Variants in SVOP observed in about 807,000 individuals in gnomAD.
SVOP encodes the protein synaptic vesicle 2-related protein.
SVOP carries 17 observed loss-of-function variants against 69.1 expected under a neutral mutation model. That is an observed-to-expected ratio of 0.25 (90% CI 0.17 to 0.37). The LOEUF (loss-of-function observed/expected upper bound fraction) is 0.37, where lower values mean the gene tolerates loss of function less well. SVOP is among the 10% of genes least tolerant of loss of function. SVOP has a pLI of 1.00. For synonymous variants in SVOP, 238 were observed against 238.6 expected (o/e 1.00, Z 0.02); for missense variants, 435 against 597.5 (o/e 0.73, Z 2.84).
intron 1 of SVOP, among the ~76,000 whole-genome samples, chr12:108,996,552 C>T (rs1227312036): frequency 6.6e-6 from 1 of 151,352 alleles, no homozygotes; most frequent in African/African-American, 2.4e-5. Flanking sequence ...AAGACTCCAT[C>T]GAAAAACAAA....
rs150197836 is a variant in SVOP, at chr12:108,918,730, A to C, written c.1269-606T>G. ...GAGAAATGTTAAAACGGGATTACAAAACGATCTATTTGAAATATTTCCATT... is the reference window on the plus strand; with the variant it reads ...GAGAAATGTTAAAACGGGATTACAACACGATCTATTTGAAATATTTCCATT... On this transcript the variant is annotated intron_variant, in intron 13 of 15. Coordinates refer to ENST00000610966, the MANE Select transcript of SVOP (RefSeq NM_018711.5). Among the ~76,000 whole-genome samples the C allele has an allele frequency of 6.3e-3, 965 of 152,298 alleles. 13 individuals are homozygous for C. Among genetic ancestry groups the C allele is most frequent in the African/African-American group, 0.022 (918 of 41,540 alleles).
intron 1 of SVOP, among the ~76,000 whole-genome samples, chr12:109,009,691 A>G (rs552583097): frequency 6.6e-6 from 1 of 152,256 alleles, no homozygotes; most frequent in Non-Finnish European, 1.5e-5. Flanking sequence ...CTGGGCTTAC[A>G]GGTGTGAGCC....
Position 108,931,079 on chromosome 12 carries a change from G to A in SVOP, c.1048+3116C>T, listed in dbSNP as rs111309537. 2.3e-3 allele frequency among the ~76,000 whole-genome samples: 354 copies of A among 152,176 alleles called. 2 individuals are homozygous for A. The highest frequency in any genetic ancestry group is 8.1e-3 in the African/African-American group (336 of 41,500). ...TAGCTTAAGCATTCTACTCTTAGGA[G>A]AGGCAATCTGTGCTCAGTCAATACC... On this transcript the variant is annotated intron_variant, in intron 11 of 15. Coordinates refer to ENST00000610966, the MANE Select transcript of SVOP (RefSeq NM_018711.5).
chr12:108,939,316 G>A (rs762712620), intron 8 of SVOP, among the ~76,000 whole-genome samples: 1 of 152,272 alleles, frequency 6.6e-6, no homozygotes, highest in Middle Eastern at 3.4e-3. Flanking sequence ...ATTTGGGGCT[G>A]TTTTCAGAGT....
At chr12:109,005,793 G>A (rs917426471) in intron 1 of SVOP, among the ~76,000 whole-genome samples, 1 of 152,158 alleles carries the variant, frequency 6.6e-6, no homozygotes, top group African/African-American at 2.4e-5. Context: ...ACAAATAGGG[G>A]AGGAGTAGAG....
In SVOP at chr12:108,928,817, G is replaced by A. The variant is rs573624888; in HGVS notation, c.1048+5378C>T. ...TCCTGAGTTCAAGCAATCTGCCCGC[G>A]TCAGCCTCTCAGAGTGCTGGGATTA... On this transcript the variant is annotated intron_variant, in intron 11 of 15. Transcript: ENST00000610966. 3.3e-4 allele frequency among the ~76,000 whole-genome samples: 50 copies of A among 151,928 alleles called. 1 individual carries two copies. Among genetic ancestry groups the A allele is most frequent in the African/African-American group, 1.2e-3 (49 of 41,440 alleles).
At chr12:108,927,951 G>A (rs1187258980) in intron 11 of SVOP, among the ~76,000 whole-genome samples, 1 of 150,254 alleles carries the variant, frequency 6.7e-6, no homozygotes, top group Non-Finnish European at 1.5e-5. Flanking sequence ...CATCGCCCAG[G>A]TTGGAAAGCA....
chr12:108,947,930 C>T (rs2039934220), intron 6 of SVOP, among the ~76,000 whole-genome samples: 1 of 152,094 alleles, frequency 6.6e-6, no homozygotes, highest in African/African-American at 2.4e-5. Flanking sequence ...CTCCTAGGAT[C>T]CCTTTACTAG....
chr12:108,940,066 A>T (rs2039881929), intron 8 of SVOP, among the ~76,000 whole-genome samples: 1 of 152,156 alleles, frequency 6.6e-6, no homozygotes, highest in East Asian at 1.9e-4. Context: ...TATTTGTTTC[A>T]GCAGCTGGTA....
intron 7 of SVOP, among the ~76,000 whole-genome samples, chr12:108,944,544 G>A (rs1447488811): frequency 2.0e-5 from 3 of 152,158 alleles, no homozygotes; most frequent in Non-Finnish European, 4.4e-5. Context: ...TGTGTGGAGG[G>A]GGCCATTGGG....
chr12:109,003,461 G>A (rs2040285812), intron 1 of SVOP, among the ~76,000 whole-genome samples: 1 of 152,190 alleles, frequency 6.6e-6, no homozygotes, highest in African/African-American at 2.4e-5. Context: ...AGCATTAACT[G>A]AGCTTGATGA....
intron 9 of SVOP, among the ~76,000 whole-genome samples, chr12:108,937,992 C>T (rs2039866686): frequency 6.6e-6 from 1 of 152,174 alleles, no homozygotes; most frequent in South Asian, 2.1e-4. Flanking sequence ...GAAGGGATCT[C>T]TCCCCAAAGG....
At chr12:108,963,895 CTTTG>C (rs1266349273) in intron 5 of SVOP, among the ~76,000 whole-genome samples, 1 of 152,174 alleles carries the variant, frequency 6.6e-6, no homozygotes, top group Non-Finnish European at 1.5e-5. Flanking sequence ...AATAACATTG[CTTTG>C]TTTGTGTTGC....
intron 6 of SVOP, among the ~76,000 whole-genome samples, chr12:108,952,115 A>G (rs2039958681): frequency 6.6e-6 from 1 of 152,134 alleles, no homozygotes; most frequent in African/African-American, 2.4e-5. Context: ...GGAGCCACCA[A>G]ACTGCCTCAC....
At chr12:108,987,131 C>T (rs907498571) in intron 1 of SVOP, among the ~76,000 whole-genome samples, 40 of 152,284 alleles carry the variant, frequency 2.6e-4, no homozygotes, top group African/African-American at 9.1e-4. Context: ...TGACGAGCAC[C>T]AATCTACTTT....
chr12:108,993,976 G>A (rs1258815301), intron 1 of SVOP, among the ~76,000 whole-genome samples: 2 of 152,206 alleles, frequency 1.3e-5, no homozygotes, highest in Non-Finnish European at 2.9e-5. Flanking sequence ...TGTGTGGCCT[G>A]ATCATCTTCC....
intron 7 of SVOP, among the ~76,000 whole-genome samples, chr12:108,942,259 G>A (rs532729571): frequency 7.2e-5 from 11 of 152,256 alleles, no homozygotes; most frequent in African/African-American, 1.9e-4. Flanking sequence ...ACAGACACTC[G>A]GGTTGCTTCC....
chr12:108,913,074 T>C (rs2039694605), intron 15 of SVOP, among the ~76,000 whole-genome samples: 1 of 151,782 alleles, frequency 6.6e-6, no homozygotes, highest in African/African-American at 2.4e-5. Context: ...TTGTTTTTTG[T>C]TTTTTTTGTT....
intron 1 of SVOP, among the ~76,000 whole-genome samples, chr12:108,991,520 A>G (rs2040200529): frequency 2.0e-5 from 3 of 152,078 alleles, no homozygotes; most frequent in East Asian, 3.9e-4. Context: ...CAGTATCCTG[A>G]TCTTGGCTCA....
Sources: gnomAD v4.1 joint callset for allele counts (sites outside exome capture counted in the v4.1 genomes callset) on GRCh38, gnomAD v4.1.1 for gene constraint, MANE v1.5 for transcripts, NCBI Gene and HGNC (gene_info 2026-07-23, HGNC 2026-07-21) for gene names.